The following BMP8B variants were observed in gnomAD, a reference collection of about 807,000 sequenced individuals.
The protein encoded by BMP8B is bone morphogenetic protein 8b.
In BMP8B, 17 loss-of-function variants were observed where a neutral mutation model predicts 30.3. That is an observed-to-expected ratio of 0.56 (90% CI 0.38 to 0.84). BMP8B has a LOEUF of 0.84. Ranked by LOEUF, BMP8B falls within the 40% of genes least tolerant of loss-of-function variation. The probability of loss-of-function intolerance (pLI) is 0.00; values close to 1 mark genes in which losing one functional copy is unlikely to be tolerated. For missense variants in BMP8B, 253 were observed against 494.6 expected (o/e 0.51, Z 4.63); for synonymous variants, 131 against 214.7 (o/e 0.61, Z 3.41).
chr1:39,785,617 G>A lies in BMP8B; in HGVS notation c.334+2535C>T, dbSNP rs940793343. 1.2e-3 allele frequency among the ~76,000 whole-genome samples: 183 copies of A among 152,356 alleles called. 3 individuals carry two copies. The highest frequency in any genetic ancestry group is 1.7e-3 in the Admixed American group (26 of 15,306). On this transcript the variant is annotated intron_variant, in intron 1 of 6. Coordinates refer to ENST00000372827, the MANE Select transcript of BMP8B (RefSeq NM_001720.5). ...AGATGAAGCTGATAGGAGAGGTGGA[G>A]CCGGCAGGAGCAGGTGTGGGAGCCT...
chr1:39,779,214 G>A (rs1190466957), intron 1 of BMP8B, among the ~76,000 whole-genome samples: 2 of 152,194 alleles, frequency 1.3e-5, no homozygotes, highest in African/African-American at 4.8e-5. Flanking sequence ...GTGGGGACTT[G>A]GGGTTCCAGG....
In BMP8B at chr1:39,762,873, C is replaced by T. The variant is rs76547857; in HGVS notation, c.1059+219G>A. Among the ~76,000 whole-genome samples the T allele has an allele frequency of 1.2e-4, 19 of 152,374 alleles. No homozygotes were observed. The East Asian group carries it at 2.3e-3, about 19-fold the overall frequency. Reference sequence around the variant, plus strand: ...ACAGGCATGTGTACACGACTGTTCACGTATGTCCGTGTTTGGGTGCGAGTC... The same window carrying T: ...ACAGGCATGTGTACACGACTGTTCATGTATGTCCGTGTTTGGGTGCGAGTC... On this transcript the variant is annotated intron_variant, in intron 6 of 6. Transcript: ENST00000372827.
intron 6 of BMP8B, 109 bp from the exon 7 acceptor site, chr1:39,760,677 C>G: frequency 7.3e-7 from 1 of 1,371,634 alleles, no homozygotes; most frequent in Non-Finnish European, 9.8e-7. Flanking sequence ...CATCTCCAGG[C>G]CACATGGGAG....
intron 6 of BMP8B, 151 bp downstream of exon 6, chr1:39,762,941 G>C: frequency 9.9e-7 from 1 of 1,014,170 alleles, no homozygotes; most frequent in Non-Finnish European, 1.5e-6. Context: ...CTGCAGAGCT[G>C]TGGGAAGTTA....
intron 1 of BMP8B, among the ~76,000 whole-genome samples, chr1:39,782,075 G>A (rs1401876762): frequency 6.7e-6 from 1 of 149,994 alleles, no homozygotes; most frequent in Non-Finnish European, 1.5e-5. Context: ...AGAATTGCTT[G>A]AACCCAAGGA....
chr1:39,786,032 C>G (rs1321388938), intron 1 of BMP8B, among the ~76,000 whole-genome samples: 3 of 152,174 alleles, frequency 2.0e-5, no homozygotes, highest in Non-Finnish European at 2.9e-5. Context: ...TGGGAAGAAG[C>G]TGGGATTTGA....
At chr1:39,782,061 C>G (rs1304696942) in intron 1 of BMP8B, among the ~76,000 whole-genome samples, 1 of 149,790 alleles carries the variant, frequency 6.7e-6, no homozygotes, top group South Asian at 2.1e-4. Context: ...GAGGGTGAGA[C>G]AGAAGAATTG....
At chr1:39,781,130 A>G (rs1408679548) in intron 1 of BMP8B, among the ~76,000 whole-genome samples, 1 of 152,214 alleles carries the variant, frequency 6.6e-6, no homozygotes, top group East Asian at 1.9e-4. Context: ...AGCCCCCAAG[A>G]TAAACAGGAA....
At position 39,763,338 on chromosome 1, in the gene BMP8B, G is replaced by C. The variant is rs1170647421; in HGVS notation, c.949-136C>G. On this transcript the variant is annotated intron_variant, in intron 5 of 6. Transcript: ENST00000372827. Reference sequence around the variant, plus strand: ...CACCCAGGAACCCCCGGCAGAAAAGGCTGGGCAGGAGCTCAGGCCCAACAT... The same window carrying C: ...CACCCAGGAACCCCCGGCAGAAAAGCCTGGGCAGGAGCTCAGGCCCAACAT... 3.5e-6 allele frequency: 3 copies of C among 858,948 alleles called. No homozygotes were observed. The African/African-American group carries it at 5.4e-5, about 15-fold the overall frequency. 53.2% of individuals were successfully genotyped at this position (858,948 alleles called of 1,614,324 possible).
chr1:39,776,198 C>T (rs1650218346), intron 1 of BMP8B, among the ~76,000 whole-genome samples: 1 of 152,230 alleles, frequency 6.6e-6, no homozygotes, highest in African/African-American at 2.4e-5. Context: ...CAGCAGGGCC[C>T]CGTGGCAGGG....
At chr1:39,785,864 G>A (rs1233935170) in intron 1 of BMP8B, among the ~76,000 whole-genome samples, 1 of 152,202 alleles carries the variant, frequency 6.6e-6, no homozygotes, top group Non-Finnish European at 1.5e-5. Flanking sequence ...CTCTAACTGA[G>A]AGAGTTCTAC....
intron 6 of BMP8B, among the ~76,000 whole-genome samples, chr1:39,762,053 G>A (rs750934255): frequency 6.6e-6 from 1 of 152,220 alleles, no homozygotes; most frequent in Non-Finnish European, 1.5e-5. Context: ...AAGGGTGGCT[G>A]GGCTGGGCCG....
chr1:39,786,756 A>G (rs1232781397), intron 1 of BMP8B, among the ~76,000 whole-genome samples: 1 of 152,082 alleles, frequency 6.6e-6, no homozygotes, highest in Non-Finnish European at 1.5e-5. Flanking sequence ...CTAACTACAA[A>G]GGCAGCATCC....
chr1:39,783,626 C>T (rs976011918), intron 1 of BMP8B, among the ~76,000 whole-genome samples: 3 of 152,090 alleles, frequency 2.0e-5, no homozygotes, highest in Non-Finnish European at 2.9e-5. Flanking sequence ...GAAAAGAAAA[C>T]GCTGGGCACA....
At chr1:39,777,355 C>T (rs1266501717) in intron 1 of BMP8B, among the ~76,000 whole-genome samples, 1 of 152,226 alleles carries the variant, frequency 6.6e-6, no homozygotes, top group African/African-American at 2.4e-5. Flanking sequence ...TTCTAAACCA[C>T]CTTAATGTGG....
chr1:39,782,205 G>A (rs565676814), intron 1 of BMP8B, among the ~76,000 whole-genome samples: 4 of 151,544 alleles, frequency 2.6e-5, no homozygotes, highest in South Asian at 2.1e-4. Flanking sequence ...TGAGCTGTCA[G>A]CAGCCGGCAC....
At chr1:39,784,205 G>A (rs983792994) in intron 1 of BMP8B, among the ~76,000 whole-genome samples, 2 of 152,168 alleles carry the variant, frequency 1.3e-5, no homozygotes, top group Non-Finnish European at 2.9e-5. Context: ...GAGGTTCTGG[G>A]CACGTGGGCA....
intron 3 of BMP8B, chr1:39,771,327 C>T: frequency 7.5e-7 from 1 of 1,341,082 alleles, no homozygotes; most frequent in East Asian, 3.0e-5. Flanking sequence ...CGTCACAGAG[C>T]AGGGCGGGCG....
At position 39,778,538 on chromosome 1, in the gene BMP8B, C is replaced by A. The variant is rs1299908877; in HGVS notation, c.335-3500G>T. On this transcript the variant is annotated intron_variant, in intron 1 of 6. Transcript: ENST00000372827. ...TCTCAGCACCGCCTCAAGGCGAGCC[C>A]AGGGCTCCATGCTGAGGTATTTCCA... Among the ~76,000 whole-genome samples, 3 of 151,328 alleles carry A rather than the reference C, an allele frequency of 2.0e-5. No individual in the cohort carries two copies. In the East Asian group the frequency reaches 5.8e-4, roughly 29 times the overall value.
Sources: allele counts gnomAD v4.1 joint callset (sites outside exome capture counted in the v4.1 genomes callset), GRCh38; gene constraint gnomAD v4.1.1; transcripts MANE v1.5; gene names NCBI Gene and HGNC (gene_info 2026-07-23, HGNC 2026-07-21).